The following TBC1D19 variants were observed in gnomAD, a reference collection of about 807,000 sequenced individuals.
TBC1D19 encodes the protein TBC1 domain family member 19, also known as TBC1 domain family, member 19.
In TBC1D19, 60 loss-of-function variants were observed where a neutral mutation model predicts 89.0. That is an observed-to-expected ratio of 0.67 (90% CI 0.55 to 0.84). The LOEUF is 0.84. TBC1D19 is among the 40% of genes least tolerant of loss of function. TBC1D19 has a pLI of 0.00. For missense variants in TBC1D19, 500 were observed against 610.8 expected (o/e 0.82, Z 1.91); for synonymous variants, 189 against 199.7 (o/e 0.95, Z 0.45).
At chr4:26,785,745 A>G in the TBC1D19 span, among the ~76,000 whole-genome samples, 1 of 152,196 alleles carries the variant, frequency 6.6e-6, no homozygotes, top group Non-Finnish European at 1.5e-5. Flanking sequence ...TTGTCTGTTC[A>G]TATATGTGAA....
chr4:26,647,930 T>A (rs749808627), intron 7 of TBC1D19, among the ~76,000 whole-genome samples: 2 of 152,108 alleles, frequency 1.3e-5, no homozygotes, highest in Non-Finnish European at 2.9e-5. Flanking sequence ...TCATGACGTA[T>A]GTAACATACT....
rs541914359 is a variant in TBC1D19, at chr4:26,653,338, T to C, written c.481-6259T>C. 9.2e-5 allele frequency among the ~76,000 whole-genome samples: 14 copies of C among 152,330 alleles called. No individual in the cohort carries two copies. The East Asian group carries it at 2.7e-3, about 29-fold the overall frequency. On this transcript the variant is annotated intron_variant, in intron 7 of 20. Transcript: ENST00000264866. ...GCGATGTGGTGCTGAGAAGAATGTA[T>C]ATTCTGTTGACTTGGGGTGGAGAGT...
chr4:26,659,843 T>C, intron 8 of TBC1D19, 136 bp downstream of exon 8: 1 of 502,498 alleles, frequency 2.0e-6, no homozygotes, highest in Non-Finnish European at 3.4e-6. Context: ...ATTCTTTTAT[T>C]GCAAATATGT....
the TBC1D19 span, among the ~76,000 whole-genome samples, chr4:26,774,369 C>T: frequency 6.6e-6 from 1 of 152,236 alleles, no homozygotes; most frequent in Middle Eastern, 3.2e-3. Flanking sequence ...AGCAGTTTGT[C>T]AATCTCCACA....
chr4:26,677,463 T>G (rs1442637750), intron 11 of TBC1D19, among the ~76,000 whole-genome samples: 1 of 151,686 alleles, frequency 6.6e-6, no homozygotes, highest in East Asian at 1.9e-4. Context: ...GGACTACAGG[T>G]GCCCGCCACT....
At chr4:26,810,676 G>A in the TBC1D19 span, among the ~76,000 whole-genome samples, 1 of 152,104 alleles carries the variant, frequency 6.6e-6, no homozygotes, top group Non-Finnish European at 1.5e-5. Flanking sequence ...ACTTGTCCTT[G>A]AAGATTCAGC....
At chr4:26,636,304 A>G (rs541413438) in intron 4 of TBC1D19, among the ~76,000 whole-genome samples, 1 of 152,050 alleles carries the variant, frequency 6.6e-6, no homozygotes, top group East Asian at 1.9e-4. Context: ...AAAGAATATT[A>G]TATTAAAATA....
chr4:26,796,628 G>T, the TBC1D19 span, among the ~76,000 whole-genome samples: 2 of 152,144 alleles, frequency 1.3e-5, no homozygotes, highest in African/African-American at 4.8e-5. Flanking sequence ...GAGCCTAGGA[G>T]ACCAAGGCTG....
Position 26,590,798 on chromosome 4 carries a change from T to TTTTTTG in TBC1D19, c.99+6511_99+6512insGTTTTT, listed in dbSNP as rs1739730257. ...TTCACTCTTTGTCTTGCAGGTCTGT[T>TTTTTTG]TTTTTTTTTTTTTTTTTTTTTTTTT... On this transcript the variant is annotated intron_variant, in intron 1 of 20. Transcript: ENST00000264866. Among the ~76,000 whole-genome samples the TTTTTTG allele has an allele frequency of 4.5e-5, 2 of 44,304 alleles. 1 individual carries two copies. Among genetic ancestry groups the TTTTTTG allele is most frequent in the Non-Finnish European group, 1.2e-4 (2 of 17,056 alleles). 29.1% of individuals were successfully genotyped at this position (44,304 alleles called of 152,430 possible). A position where few individuals can be genotyped will look rare whatever the true frequency, so the allele number is the denominator to read the frequency against.
At chr4:26,740,874 CCAGTTTTG>C in intron 17 of TBC1D19, 1 of 985,398 alleles carries the variant, frequency 1.0e-6, no homozygotes, top group East Asian at 1.1e-4. Flanking sequence ...TCCTCCATCT[CCAGTTTTG>C]CTTTCATACA....
chr4:26,842,347 T>TTC, the TBC1D19 span, among the ~76,000 whole-genome samples: 1 of 126,674 alleles, frequency 7.9e-6, no homozygotes, highest in African/African-American at 2.9e-5. Context: ...TTTCTTTTTT[T>TTC]TTTTTTTTTT....
intron 1 of TBC1D19, among the ~76,000 whole-genome samples, chr4:26,612,626 A>G (rs1741451369): frequency 6.6e-6 from 1 of 152,076 alleles, no homozygotes; most frequent in Non-Finnish European, 1.5e-5. Context: ...AGTGTGAAAA[A>G]CCAGTAGAAT....
chr4:26,585,113 A>C (rs1739333235), intron 1 of TBC1D19: 1 of 426,154 alleles, frequency 2.3e-6, no homozygotes, highest in Admixed American at 2.6e-5. Flanking sequence ...ATTCTAGTAT[A>C]CGATTTTGCT....
At chr4:26,783,608 A>G in the TBC1D19 span, among the ~76,000 whole-genome samples, 1 of 152,220 alleles carries the variant, frequency 6.6e-6, no homozygotes, top group Non-Finnish European at 1.5e-5. Flanking sequence ...AATCCTATTT[A>G]TCCACTTTTA....
intron 8 of TBC1D19, among the ~76,000 whole-genome samples, chr4:26,662,505 G>C (rs1207665814): frequency 6.6e-6 from 1 of 152,084 alleles, no homozygotes; most frequent in Admixed American, 6.6e-5. Flanking sequence ...TTCCAGAAAA[G>C]GGAAACAGAG....
At chr4:26,801,270 T>A in the TBC1D19 span, among the ~76,000 whole-genome samples, 1 of 151,994 alleles carries the variant, frequency 6.6e-6, no homozygotes, top group Middle Eastern at 3.4e-3. Context: ...AGGAAATCCT[T>A]TCCCCATTTC....
chr4:26,817,143 T>C, the TBC1D19 span, among the ~76,000 whole-genome samples: 1 of 152,182 alleles, frequency 6.6e-6, no homozygotes, highest in Admixed American at 6.5e-5. Flanking sequence ...TAACACAAAT[T>C]GTGTGTGTAT....
the TBC1D19 span, among the ~76,000 whole-genome samples, chr4:26,761,590 C>T: frequency 2.3e-4 from 35 of 152,154 alleles, no homozygotes; most frequent in African/African-American, 8.0e-4. Context: ...TTCTACTATC[C>T]TTTTTTATAG....
At chr4:26,757,231 T>C (rs1020484904), downstream of TBC1D19, among the ~76,000 whole-genome samples, 6 of 152,072 alleles carry the variant, frequency 3.9e-5, no homozygotes, top group Non-Finnish European at 7.4e-5. Context: ...GCCAACCAGG[T>C]CTCAAACTCC....
Sources: allele counts gnomAD v4.1 joint callset (sites outside exome capture counted in the v4.1 genomes callset), GRCh38; gene constraint gnomAD v4.1.1; transcripts MANE v1.5; gene names NCBI Gene and HGNC (gene_info 2026-07-23, HGNC 2026-07-21).